Variants in AGAP1 observed in about 807,000 individuals in gnomAD.
AGAP1 encodes the protein ArfGAP with GTPase domain, ankyrin repeat and PH domain 1.
Under a neutral mutation model 105.3 loss-of-function variants are expected in AGAP1, and 29 were observed. The ratio of observed to expected loss-of-function variants is 0.28; its 90% CI spans 0.21 to 0.38. The LOEUF is 0.38. Ranked by LOEUF, AGAP1 falls within the 10% of genes least tolerant of loss-of-function variation. AGAP1 has a pLI of 1.00. For missense variants in AGAP1, 998 were observed against 1,165.1 expected (o/e 0.86, Z 2.09); for synonymous variants, 509 against 485.9 (o/e 1.05, Z -0.63).
In AGAP1 at chr2:235,664,247, T is replaced by C. The variant is rs2149344057; in HGVS notation, c.164-44932T>C. Reference sequence around the variant, plus strand: ...TTTTTTCGAGACGGAGTTTCACTATTGTTGCCCAGGCTAGAGTGCAGTGGC... The same window carrying C: ...TTTTTTCGAGACGGAGTTTCACTATCGTTGCCCAGGCTAGAGTGCAGTGGC... On this transcript the variant is annotated intron_variant, in intron 1 of 17. Transcript: ENST00000304032. This position sits in a 1 kb window ranked among gnomAD's most constrained non-coding sequence, Gnocchi z 5.7. Among the ~76,000 whole-genome samples the C allele has an allele frequency of 6.6e-6, 1 of 152,206 alleles. No homozygotes were observed. Among genetic ancestry groups the C allele is most frequent in the Middle Eastern group, 3.4e-3 (1 of 294 alleles).
Position 235,689,310 on chromosome 2 carries a change from T to C in AGAP1, c.164-19869T>C, listed in dbSNP as rs1484759633. Among the ~76,000 whole-genome samples the C allele has an allele frequency of 6.6e-6, 1 of 152,062 alleles. No individual in the cohort carries two copies. The highest frequency in any genetic ancestry group is 1.5e-5 in the Non-Finnish European group (1 of 68,016). ...AGAGTGAGGTTGCCGTGTCCACAAG[T>C]CACTGCACAGCTCACCACGCGGGCC... On this transcript the variant is annotated intron_variant, in intron 1 of 17. Coordinates refer to ENST00000304032, the MANE Select transcript of AGAP1 (RefSeq NM_001037131.3). The surrounding 1 kb of genome is among the most constrained non-coding windows in gnomAD (Gnocchi z 4.2).
rs766927630 is a variant in AGAP1 at position 236,113,435 on chromosome 2, G to A, written c.2115-6757G>A. ...ATTACAGTCATGAGCCACCATGCCC[G>A]GCTGGAGTTTGTTTTTTAAAATGTG... On this transcript the variant is annotated intron_variant, in intron 16 of 17. Coordinates refer to ENST00000304032, the MANE Select transcript of AGAP1 (RefSeq NM_001037131.3). The surrounding 1 kb of genome is among the most constrained non-coding windows in gnomAD (Gnocchi z 4.3). Among the ~76,000 whole-genome samples, 1 of 152,172 alleles carries A rather than the reference G, an allele frequency of 6.6e-6. No individual in the cohort carries two copies. The highest frequency in any genetic ancestry group is 2.4e-5 in the African/African-American group (1 of 41,440).
In AGAP1 at chr2:236,097,232, T is replaced by C. The variant is rs566902553; in HGVS notation, c.2115-22960T>C. Among the ~76,000 whole-genome samples the C allele has an allele frequency of 8.5e-5, 13 of 152,218 alleles. No individual in the cohort carries two copies. The East Asian group carries it at 2.5e-3, about 29-fold the overall frequency. On this transcript the variant is annotated intron_variant, in intron 16 of 17. Coordinates refer to ENST00000304032, the MANE Select transcript of AGAP1 (RefSeq NM_001037131.3). ...AAAAATGTATTAATTTTAAGTTCTT[T>C]GGCTATAATAATGTGGGTCTTCAAA...
At chr2:235,708,684 A>G (rs1950671531) in intron 1 of AGAP1, among the ~76,000 whole-genome samples, 1 of 152,224 alleles carries the variant, frequency 6.6e-6, no homozygotes, top group African/African-American at 2.4e-5. Context: ...GTGAGCATTC[A>G]AATCTTCAAA....
intron 3 of AGAP1, among the ~76,000 whole-genome samples, chr2:235,726,020 T>C (rs371099778): frequency 2.0e-5 from 3 of 152,318 alleles, no homozygotes; most frequent in East Asian, 3.9e-4. Context: ...CAGGACAAAG[T>C]GTGTTTTTGA....
At chr2:235,746,508 A>T (rs2696398) in intron 5 of AGAP1, among the ~76,000 whole-genome samples, 1 of 149,684 alleles carries the variant, frequency 6.7e-6, no homozygotes, top group Non-Finnish European at 1.5e-5. Flanking sequence ...GGCCTAATGC[A>T]CCCTCTAGTG....
rs563217669 is a variant in AGAP1 at position 236,114,096 on chromosome 2, C to T, written c.2115-6096C>T. Reference sequence around the variant, plus strand: ...GGGCCCCCTCCTTTCTGCTGACGGCCGGCCGCGCCAATAATTCATTTTTTA... The same window carrying T: ...GGGCCCCCTCCTTTCTGCTGACGGCTGGCCGCGCCAATAATTCATTTTTTA... On this transcript the variant is annotated intron_variant, in intron 16 of 17. Transcript: ENST00000304032. The surrounding 1 kb of genome is among the most constrained non-coding windows in gnomAD (Gnocchi z 5.0). Among the ~76,000 whole-genome samples the T allele has an allele frequency of 5.3e-4, 80 of 152,170 alleles. No individual in the cohort carries two copies. Among genetic ancestry groups the T allele is most frequent in the African/African-American group, 1.8e-3 (74 of 41,530 alleles).
intron 8 of AGAP1, among the ~76,000 whole-genome samples, chr2:235,803,016 A>G (rs202090213): frequency 0.015 from 26 of 1,738 alleles, no homozygotes; most frequent in Non-Finnish European, 0.02. Flanking sequence ...TGTGGTTGTG[A>G]TGGTGGTGAT....
rs1009826081 is a variant in AGAP1, at chr2:235,582,146, C to G, written c.163+87297C>G. On this transcript the variant is annotated intron_variant, in intron 1 of 17. Coordinates refer to ENST00000304032, the MANE Select transcript of AGAP1 (RefSeq NM_001037131.3). This position sits in a 1 kb window ranked among gnomAD's most constrained non-coding sequence, Gnocchi z 4.7. ...CTGCTCTATACGAGGAGCAGAGACCCCTGGATCCTAGTGGTGGCCCCTGGT... is the reference window on the plus strand; with the variant it reads ...CTGCTCTATACGAGGAGCAGAGACCGCTGGATCCTAGTGGTGGCCCCTGGT... Among the ~76,000 whole-genome samples the G allele has an allele frequency of 2.0e-5, 3 of 152,116 alleles. No individual in the cohort carries two copies. The highest frequency in any genetic ancestry group is 4.4e-5 in the Non-Finnish European group (3 of 68,012).
intron 1 of AGAP1, among the ~76,000 whole-genome samples, chr2:235,619,418 A>G (rs1286557432): frequency 1.0e-3 from 85 of 81,938 alleles, no homozygotes; most frequent in Middle Eastern, 7.9e-3. Context: ...GGGCTGAAGT[A>G]GGGGAGCTGG....
In AGAP1 at chr2:235,936,724, G is replaced by C. The variant is rs1033255489; in HGVS notation, c.1483+5801G>C. On this transcript the variant is annotated intron_variant, in intron 12 of 17. Coordinates refer to ENST00000304032, the MANE Select transcript of AGAP1 (RefSeq NM_001037131.3). This position sits in a 1 kb window ranked among gnomAD's most constrained non-coding sequence, Gnocchi z 4.7. ...GACCTGGAAGCTTCTTTGATGGGAGGGTATCAGTGAAGCGTGGTGGGGAGG... is the reference window on the plus strand; with the variant it reads ...GACCTGGAAGCTTCTTTGATGGGAGCGTATCAGTGAAGCGTGGTGGGGAGG... Among the ~76,000 whole-genome samples, 1 of 152,108 alleles carries C rather than the reference G, an allele frequency of 6.6e-6. No individual in the cohort carries two copies. The highest frequency in any genetic ancestry group is 6.5e-5 in the Admixed American group (1 of 15,280).
In AGAP1 at chr2:235,723,073, G is replaced by C. The variant is rs1951467930; in HGVS notation, c.310+5429G>C. Among the ~76,000 whole-genome samples the C allele has an allele frequency of 6.6e-6, 1 of 152,180 alleles. No homozygotes were observed. The highest frequency in any genetic ancestry group is 1.5e-5 in the Non-Finnish European group (1 of 68,036). On this transcript the variant is annotated intron_variant, in intron 3 of 17. Transcript: ENST00000304032. This position sits in a 1 kb window ranked among gnomAD's most constrained non-coding sequence, Gnocchi z 6.2. ...CTTGGTGGTGGTCATGGTTCTGCCA[G>C]TGATGCTTTTGCAAGCTCTGCTGGT...
intron 16 of AGAP1, among the ~76,000 whole-genome samples, chr2:236,069,496 T>C (rs2058441461): frequency 6.6e-6 from 1 of 152,210 alleles, no homozygotes; most frequent in African/African-American, 2.4e-5. Flanking sequence ...CAACCTCGGC[T>C]CACTGCAACC....
Position 235,993,209 on chromosome 2 carries a change from G to A in AGAP1, c.1645+24586G>A, listed in dbSNP as rs1430773585. ...CTGTTTGTGGGGAGGAGGGTGATTTGCAGTGATCTTTTCCTCAACTCAGGC... is the reference window on the plus strand; with the variant it reads ...CTGTTTGTGGGGAGGAGGGTGATTTACAGTGATCTTTTCCTCAACTCAGGC... On this transcript the variant is annotated intron_variant, in intron 13 of 17. Coordinates refer to ENST00000304032, the MANE Select transcript of AGAP1 (RefSeq NM_001037131.3). The surrounding 1 kb of genome is among the most constrained non-coding windows in gnomAD (Gnocchi z 5.0). Among the ~76,000 whole-genome samples, 6 of 152,174 alleles carry A rather than the reference G, an allele frequency of 3.9e-5. No individual in the cohort carries two copies. The highest frequency in any genetic ancestry group is 8.8e-5 in the Non-Finnish European group (6 of 68,032).
chr2:235,881,309 C>A (rs894701587), intron 9 of AGAP1, among the ~76,000 whole-genome samples: 2 of 152,034 alleles, frequency 1.3e-5, no homozygotes, highest in Non-Finnish European at 2.9e-5. Flanking sequence ...TTTAGGAGGT[C>A]GATGGAGGCT....
At chr2:235,761,891 C>T (rs983968105) in intron 6 of AGAP1, among the ~76,000 whole-genome samples, 3 of 151,924 alleles carry the variant, frequency 2.0e-5, no homozygotes, top group Admixed American at 6.6e-5. Context: ...GGGTGGATCA[C>T]CTGAGGTCGG....
chr2:235,494,891 G>C, intron 1 of AGAP1, 42 bp downstream of exon 1: 1 of 1,521,754 alleles, frequency 6.6e-7, no homozygotes, highest in Admixed American at 2.0e-5. Flanking sequence ...AGGCACGGAC[G>C]CCCGCGGCGC....
intron 1 of AGAP1, among the ~76,000 whole-genome samples, chr2:235,627,777 G>A (rs1019788076): frequency 6.6e-6 from 1 of 152,120 alleles, no homozygotes; most frequent in Admixed American, 6.5e-5. Flanking sequence ...CATGTCTATT[G>A]CTGAGAAAGA....
In AGAP1 at chr2:236,045,055, C is replaced by T. The variant is rs2057675383; in HGVS notation, c.1892-4004C>T. ...TCAGACTCCTGAGCAGCTGTGACTA[C>T]ATGTGCGTGCCACCACGCCGACCTG... On this transcript the variant is annotated intron_variant, in intron 15 of 17. Coordinates refer to ENST00000304032, the MANE Select transcript of AGAP1 (RefSeq NM_001037131.3). This position sits in a 1 kb window ranked among gnomAD's most constrained non-coding sequence, Gnocchi z 6.9. Among the ~76,000 whole-genome samples the T allele has an allele frequency of 1.3e-5, 2 of 152,186 alleles. No homozygotes were observed. Among genetic ancestry groups the T allele is most frequent in the African/African-American group, 4.8e-5 (2 of 41,448 alleles).
Sources: gnomAD v4.1 joint callset for allele counts (sites outside exome capture counted in the v4.1 genomes callset) on GRCh38, gnomAD v4.1.1 for gene constraint, Gnocchi (gnomAD v3.1) non-coding constraint, MANE v1.5 for transcripts, NCBI Gene and HGNC (gene_info 2026-07-23, HGNC 2026-07-21) for gene names.